The following PACRG variants were observed in gnomAD, a reference collection of about 807,000 sequenced individuals.
The protein encoded by PACRG is parkin coregulated gene protein.
Under a neutral mutation model 29.7 loss-of-function variants are expected in PACRG, and 29 were observed. The ratio of observed to expected loss-of-function variants is 0.98; its 90% CI spans 0.73 to 1.33. The LOEUF is 1.33. Ranked by LOEUF, PACRG falls within the 40% of genes most tolerant of loss-of-function variation. PACRG has a pLI of 0.00. For missense variants in PACRG, 279 were observed against 316.2 expected, an observed-to-expected ratio of 0.88 and a Z score of 0.89; for synonymous variants, 116 against 118.7, an observed-to-expected ratio of 0.98 and a Z score of 0.15.
intron 1 of PACRG, among the ~76,000 whole-genome samples, chr6:162,811,516 A>C (rs1786864529): frequency 6.6e-6 from 1 of 152,194 alleles, no homozygotes; most frequent in Non-Finnish European, 1.5e-5. Context: ...TCAAAAGGTG[A>C]CAGAATAAAA....
chr6:163,159,097 T>A (rs956094004), intron 4 of PACRG, among the ~76,000 whole-genome samples: 1 of 152,130 alleles, frequency 6.6e-6, no homozygotes, highest in African/African-American at 2.4e-5. Context: ...CTGTGTGACC[T>A]CAGGCAACTT....
intron 2 of PACRG, among the ~76,000 whole-genome samples, chr6:163,025,584 CTTG>C (rs1262242735): frequency 2.6e-5 from 4 of 152,196 alleles, no homozygotes; most frequent in African/African-American, 7.2e-5. Flanking sequence ...AGCAAACCAC[CTTG>C]TTGTGCAATT....
chr6:162,741,509 ATCTCTC>A (rs57619507), intron 1 of PACRG, among the ~76,000 whole-genome samples: 12 of 149,208 alleles, frequency 8.0e-5, no homozygotes, highest in Admixed American at 1.3e-4. Context: ...TGAGGAGAGC[ATCTCTC>A]TCTCTCTCTC....
chr6:163,239,916 T>G (rs376473519), intron 4 of PACRG, among the ~76,000 whole-genome samples: 1 of 124,006 alleles, frequency 8.1e-6, no homozygotes, highest in African/African-American at 3.2e-5. Context: ...ACGCTCATAC[T>G]TCCATCCATA....
At chr6:162,927,095 A>G (rs887998290) in intron 2 of PACRG, among the ~76,000 whole-genome samples, 9 of 152,166 alleles carry the variant, frequency 5.9e-5, no homozygotes, top group Non-Finnish European at 8.8e-5. Flanking sequence ...AATCAAAACC[A>G]TGATGAGATA....
rs917765520 is a variant in PACRG, at chr6:163,109,390, T to C, written c.613+19982T>C. 2.6e-5 allele frequency among the ~76,000 whole-genome samples: 4 copies of C among 152,178 alleles called. No individual in the cohort carries two copies. In the East Asian group the frequency reaches 7.7e-4, roughly 29 times the overall value. On this transcript the variant is annotated intron_variant, in intron 4 of 4. Coordinates refer to ENST00000366888, the MANE Select transcript of PACRG (RefSeq NM_001080379.2). ...TCTATGATAGCAAATTCTTCTTTGTTCTCCATGCAGCAAAAATTACATCTG... is the reference window on the plus strand; with the variant it reads ...TCTATGATAGCAAATTCTTCTTTGTCCTCCATGCAGCAAAAATTACATCTG...
At chr6:163,227,035 C>T (rs1585349931) in intron 4 of PACRG, among the ~76,000 whole-genome samples, 2 of 152,066 alleles carry the variant, frequency 1.3e-5, no homozygotes, top group Non-Finnish European at 1.5e-5. Flanking sequence ...TAAGATTCCA[C>T]GGGAATTTTT....
At chr6:163,215,757 G>C (rs1425230039) in intron 4 of PACRG, among the ~76,000 whole-genome samples, 3 of 152,070 alleles carry the variant, frequency 2.0e-5, no homozygotes, top group African/African-American at 7.2e-5. Flanking sequence ...CATTTAACTG[G>C]GTAGGAAGAG....
chr6:162,797,779 G>A (rs1785507809), intron 1 of PACRG, among the ~76,000 whole-genome samples: 1 of 151,704 alleles, frequency 6.6e-6, no homozygotes, highest in African/African-American at 2.4e-5. Flanking sequence ...TCTCCTCTTT[G>A]TATTTTTGCA....
intron 2 of PACRG, among the ~76,000 whole-genome samples, chr6:162,838,045 C>G (rs1031783340): frequency 6.6e-6 from 1 of 152,156 alleles, no homozygotes; most frequent in African/African-American, 2.4e-5. Flanking sequence ...AAAAAAGTTT[C>G]TACCAGAAGG....
intron 4 of PACRG, among the ~76,000 whole-genome samples, chr6:163,288,258 AC>A (rs1784466457): frequency 6.6e-6 from 1 of 152,104 alleles, no homozygotes; most frequent in South Asian, 2.1e-4. Context: ...AGAATTTTAA[AC>A]CTGACAGTGG....
intron 4 of PACRG, among the ~76,000 whole-genome samples, chr6:163,312,103 C>T (rs1785443116): frequency 6.6e-6 from 1 of 152,178 alleles, no homozygotes; most frequent in Non-Finnish European, 1.5e-5. Context: ...TTTCCGTGTG[C>T]CCTCCAGGGG....
At chr6:162,954,700 G>C (rs1799893832) in intron 2 of PACRG, among the ~76,000 whole-genome samples, 1 of 152,084 alleles carries the variant, frequency 6.6e-6, no homozygotes, top group African/African-American at 2.4e-5. Context: ...TGAAGAAACT[G>C]TACTGATGAA....
intron 4 of PACRG, chr6:163,245,292 G>C (rs1050202052): frequency 4.3e-6 from 1 of 231,324 alleles, no homozygotes; most frequent in Non-Finnish European, 8.7e-6. Flanking sequence ...GGAAACTATC[G>C]ATTCTATAAA....
intron 2 of PACRG, among the ~76,000 whole-genome samples, chr6:163,023,771 A>T (rs1384174543): frequency 6.6e-6 from 1 of 152,096 alleles, no homozygotes; most frequent in African/African-American, 2.4e-5. Flanking sequence ...TTGTCATTCC[A>T]ACTGTGTAAG....
chr6:162,947,076 C>T (rs1799066885), intron 2 of PACRG, among the ~76,000 whole-genome samples: 1 of 151,666 alleles, frequency 6.6e-6, no homozygotes, highest in Non-Finnish European at 1.5e-5. Context: ...AAGGATACCA[C>T]TCTCACCACT....
rs562532638 is a variant in PACRG at position 163,100,448 on chromosome 6, G to A, written c.613+11040G>A. Among the ~76,000 whole-genome samples, 286 of 152,276 alleles carry A rather than the reference G, an allele frequency of 1.9e-3. 1 individual carries two copies. The highest frequency in any genetic ancestry group is 6.4e-3 in the African/African-American group (264 of 41,568). On this transcript the variant is annotated intron_variant, in intron 4 of 4. Coordinates refer to ENST00000366888, the MANE Select transcript of PACRG (RefSeq NM_001080379.2). ...CCCTGGGGACACCTTCAGGCTGCTC[G>A]AGAGGGTTCCAGCTGCCAGGTCAGG...
At chr6:162,790,634 A>T (rs1784856978) in intron 1 of PACRG, among the ~76,000 whole-genome samples, 1 of 152,132 alleles carries the variant, frequency 6.6e-6, no homozygotes, top group Non-Finnish European at 1.5e-5. Context: ...ATCTTACTGT[A>T]TATATCCCTT....
At chr6:162,893,615 C>T (rs960978991) in intron 2 of PACRG, among the ~76,000 whole-genome samples, 1 of 152,174 alleles carries the variant, frequency 6.6e-6, no homozygotes, top group Admixed American at 6.5e-5. Context: ...TACTAAGTTG[C>T]TTTTCTTCCC....
Sources: allele counts gnomAD v4.1 joint callset (sites outside exome capture counted in the v4.1 genomes callset), GRCh38; gene constraint gnomAD v4.1.1; transcripts MANE v1.5; gene names NCBI Gene and HGNC (gene_info 2026-07-23, HGNC 2026-07-21).